Variants in MS4A14 observed in about 807,000 individuals in gnomAD.
MS4A14 encodes membrane spanning 4-domains A14, also known as membrane-spanning 4-domains subfamily A member 14.
In MS4A14, 18 loss-of-function variants were observed where a neutral mutation model predicts 16.7. The observed-to-expected ratio is 1.08, with a 90% CI of 0.75 to 1.60. MS4A14 has a LOEUF of 1.60. Ranked by LOEUF, MS4A14 falls within the 40% of genes most tolerant of loss-of-function variation. MS4A14 has a pLI of 0.00. For missense variants in MS4A14, 812 were observed against 775.3 expected (o/e 1.05, Z -0.56); for synonymous variants, 305 against 289.4 (o/e 1.05, Z -0.55).
chr11:60,397,765 G>T (rs1565172318), intron 1 of MS4A14, 87 bp from the exon 2 acceptor site: 1 of 1,326,012 alleles, frequency 7.5e-7, no homozygotes, highest in Non-Finnish European at 1.0e-6. Flanking sequence ...GGAAAGGTGT[G>T]CCATGGAGGC....
chr11:60,416,046 A>C lies in MS4A14; in HGVS notation c.1078A>C (p.Ile360Leu). ...AGCTAATGACCTGCCCCCTCAAGGC[A>C]TACTATCCCAAGACACATCATCTCA... The part of the protein sequence containing the change: ...LTANDLPPQG[I>L]LSQDTSSQDM... Residue 360 changes from isoleucine to leucine, a missense_variant, in exon 5 of 5, where the codon ATA becomes CTA. Ile to Leu is a conservative substitution (Grantham distance 5, BLOSUM62 2). Transcript: ENST00000300187. The C allele has an allele frequency of 1.9e-6, 3 of 1,613,528 alleles. No homozygotes were observed. The highest frequency in any genetic ancestry group is 2.7e-5 in the African/African-American group (2 of 75,016).
At position 60,400,421 on chromosome 11, in the gene MS4A14, C is replaced by T; in HGVS notation, c.285C>T (p.Tyr95=). Reference sequence around the variant, plus strand: ...CTTAACAGTTTATTCTTACAGGATACCTCACAGTAACCGATAAGAAATCAA... The same window carrying T: ...CTTAACAGTTTATTCTTACAGGATATCTCACAGTAACCGATAAGAAATCAA... ...WGALIFILTG[Y]LTVTDKKSKL... is the part of the protein sequence containing the mutation. Residue 95 remains tyrosine (Y), a synonymous_variant, in exon 3 of 5, where the codon TAC becomes TAT. Transcript: ENST00000300187. 1.2e-6 allele frequency: 2 copies of T among 1,605,590 alleles called. No homozygotes were observed. The highest frequency in any genetic ancestry group is 1.7e-6 in the Non-Finnish European group (2 of 1,173,772).
chr11:60,410,936 C>T (rs1306118918), intron 4 of MS4A14, among the ~76,000 whole-genome samples: 3 of 152,178 alleles, frequency 2.0e-5, no homozygotes, highest in Admixed American at 6.5e-5. Context: ...AACTCTGCCT[C>T]CCGGGTTCAA....
At chr11:60,413,441 GT>G (rs1590819853) in intron 4 of MS4A14, among the ~76,000 whole-genome samples, 1 of 151,930 alleles carries the variant, frequency 6.6e-6, no homozygotes, top group South Asian at 2.1e-4. Flanking sequence ...TAAATATGAT[GT>G]TTTTTGTAGG....
At chr11:60,400,523 CT>C in intron 3 of MS4A14, 69 bp downstream of exon 3, 1 of 1,126,732 alleles carries the variant, frequency 8.9e-7, no homozygotes, top group Non-Finnish European at 1.3e-6. Context: ...TGTATGAAGC[CT>C]TTAGTAATAA....
In MS4A14 at chr11:60,403,035, T is replaced by C. The variant is rs1329838207; in HGVS notation, c.442T>C (p.Cys148Arg). 2 of 1,613,774 alleles carry C rather than the reference T, an allele frequency of 1.2e-6. No homozygotes were observed. Among genetic ancestry groups the C allele is most frequent in the African/African-American group, 2.7e-5 (2 of 75,032 alleles). Residue 148 changes from cysteine (C) to arginine (R), a missense_variant, in exon 4 of 5, where the codon TGT becomes CGT. By Grantham distance (180) the Cys-to-Arg change is radical. Transcript: ENST00000300187. ...CCAGATGCCATCCTTTGAAGAAATA[T>C]GTGTTTTCAGTAGAACTCTTTTCAT... ...YCQMPSFEEI[C>R]VFSRTLFIVL...
intron 2 of MS4A14, among the ~76,000 whole-genome samples, chr11:60,399,813 T>A (rs1196372148): frequency 6.6e-6 from 1 of 152,134 alleles, no homozygotes; most frequent in Non-Finnish European, 1.5e-5. Flanking sequence ...GCAAGTCAGC[T>A]GCAGATCCTT....
At chr11:60,408,758 C>T (rs1036347745) in intron 4 of MS4A14, among the ~76,000 whole-genome samples, 11 of 152,102 alleles carry the variant, frequency 7.2e-5, no homozygotes, top group African/African-American at 1.9e-4. Context: ...AATGCTGTTA[C>T]GAACATTGGT....
rs1380417715 is a variant in MS4A14 at position 60,416,561 on chromosome 11, A to G, written c.1593A>G (p.Lys531=). 3.7e-6 allele frequency: 6 copies of G among 1,613,768 alleles called. No homozygotes were observed. Among genetic ancestry groups the G allele is most frequent in the African/African-American group, 2.7e-5 (2 of 74,902 alleles). ...AAGGCTGGCAATCTCCAAAGCAGAA[A>G]TCCTTAGACCAGCAAATCAAAGACT... The part of the protein sequence containing the change: ...QSKGWQSPKQ[K]SLDQQIKDWL... Residue 531 remains lysine (K), a synonymous_variant, in exon 5 of 5, where the codon AAA becomes AAG. Transcript: ENST00000300187.
Position 60,397,471 on chromosome 11 carries a change from G to A in MS4A14, c.139-381G>A, listed in dbSNP as rs544996623. On this transcript the variant is annotated intron_variant, in intron 1 of 4. Transcript: ENST00000300187. ...GGTGGGGGCTGTTAGGATAATAATA[G>A]GATACTGGTGAGACAGACGAAAAAA... is the stretch of plus-strand genomic sequence containing the variant. Among the ~76,000 whole-genome samples, 6 of 152,126 alleles carry A rather than the reference G, an allele frequency of 3.9e-5. No homozygotes were observed. The South Asian group carries it at 1.2e-3, about 32-fold the overall frequency.
At chr11:60,409,803 CTTCTTTCT>C (rs144889475) in intron 4 of MS4A14, among the ~76,000 whole-genome samples, 1 of 145,814 alleles carries the variant, frequency 6.9e-6, no homozygotes, top group African/African-American at 2.5e-5. Context: ...TCCTTCTTTC[CTTCTTTCT>C]TTCTTTCTTT....
chr11:60,406,004 C>A (rs1411441788), intron 4 of MS4A14: 2 of 1,429,818 alleles, frequency 1.4e-6, no homozygotes, highest in East Asian at 5.2e-5. Flanking sequence ...TCTGATGTCT[C>A]TTAATATTAT....
intron 2 of MS4A14, 52 bp downstream of exon 2, chr11:60,398,032 G>A (rs773332655): frequency 1.9e-6 from 3 of 1,593,916 alleles, no homozygotes; most frequent in Admixed American, 1.7e-5. Context: ...AGATAGATTT[G>A]AACTGCTTCA....
Position 60,416,113 on chromosome 11 carries a change from C to A in MS4A14, c.1145C>A (p.Ser382Tyr), listed in dbSNP as rs1299679894. The change falls in exon 5 of 5, where the codon TCC (serine) becomes TAC (tyrosine). Residue 382 changes from serine (S) to tyrosine (Y), a missense_variant. Physicochemically the swap from Ser to Tyr is moderately radical, Grantham distance 144. Transcript: ENST00000300187. ...GACATGACATCCCAAGATATGCAAT[C>A]CCTAGATATGCTATCTCAAGACACA... ...FHDMTSQDMQ[S>Y]LDMLSQDTPS... 3.1e-6 allele frequency: 5 copies of A among 1,609,392 alleles called. No individual in the cohort carries two copies. The highest frequency in any genetic ancestry group is 1.1e-5 in the South Asian group (1 of 90,568).
At chr11:60,400,303 T>C in intron 2 of MS4A14, 101 bp from the exon 3 acceptor site, 1 of 722,940 alleles carries the variant, frequency 1.4e-6, no homozygotes, top group South Asian at 1.9e-5. Context: ...GGGATGGTCT[T>C]GGAGATTCAC....
intron 1 of MS4A14, among the ~76,000 whole-genome samples, chr11:60,397,423 T>A (rs1274852115): frequency 1.1e-4 from 16 of 152,008 alleles, no homozygotes; most frequent in African/African-American, 3.6e-4. Flanking sequence ...CAAAAGCCTA[T>A]ACTGAGTGCT....
chr11:60,415,544 T>C lies in MS4A14; in HGVS notation c.576T>C (p.Asp192=), dbSNP rs1475958800. 2.5e-6 allele frequency: 4 copies of C among 1,613,658 alleles called. No homozygotes were observed. The highest frequency in any genetic ancestry group is 1.3e-5 in the African/African-American group (1 of 74,896). ...FVLQEEFSSD[D]STTNAQSVIF... ...TTCAAGAAGAGTTTTCCAGTGATGA[T>C]TCAACAACAAATGCACAATCTGTTA... The change falls in exon 5 of 5, where the codon GAT becomes GAC. Residue 192 remains aspartate (D), a synonymous_variant. Coordinates refer to ENST00000300187, the MANE Select transcript of MS4A14 (RefSeq NM_032597.5).
chr11:60,396,813 G>A, intron 1 of MS4A14, 97 bp downstream of exon 1: 2 of 1,290,848 alleles, frequency 1.5e-6, no homozygotes, highest in Non-Finnish European at 2.1e-6. Context: ...TATTTTCAGG[G>A]AGGGAGTTAA....
Position 60,396,518 on chromosome 11 carries a change from T to G in MS4A14, c.-61T>G. Reference sequence around the variant, plus strand: ...CATGTGACTCTGGTGGAGAGGTAGATCATGATTTGGGCGGCAATGTTTGCT... The same window carrying G: ...CATGTGACTCTGGTGGAGAGGTAGAGCATGATTTGGGCGGCAATGTTTGCT... On this transcript the variant is annotated 5_prime_UTR_variant, in exon 1 of 5. Transcript: ENST00000300187. The G allele has an allele frequency of 6.3e-7, 1 of 1,581,198 alleles. No individual in the cohort carries two copies. Among genetic ancestry groups the G allele is most frequent in the Non-Finnish European group, 8.6e-7 (1 of 1,163,156 alleles).
Sources: gnomAD v4.1 joint callset for allele counts (sites outside exome capture counted in the v4.1 genomes callset) on GRCh38, gnomAD v4.1.1 for gene constraint, MANE v1.5 for transcripts, NCBI Gene and HGNC (gene_info 2026-07-23, HGNC 2026-07-21) for gene names.